SFMBT2: variants seen among roughly 807,000 people sequenced by gnomAD.
The protein encoded by SFMBT2 is Scm like with four mbt domains 2, also known as scm-like with four MBT domains protein 2.
In SFMBT2, 38 loss-of-function variants were observed where a neutral mutation model predicts 110.1. The ratio of observed to expected loss-of-function variants is 0.35; its 90% CI spans 0.27 to 0.45. The LOEUF (loss-of-function observed/expected upper bound fraction) is 0.45. Among genes scored for constraint, SFMBT2 ranks in the 20% least tolerant of loss-of-function variants. The pLI, the probability that SFMBT2 is intolerant of heterozygous loss-of-function variation, is 1.00. For synonymous variants in SFMBT2, 425 were observed against 425.4 expected (o/e 1.00, Z 0.01); for missense variants, 1,011 against 1,094.9 (o/e 0.92, Z 1.08).
At chr10:7,360,821 G>A (rs1014282325) in intron 4 of SFMBT2, among the ~76,000 whole-genome samples, 1 of 152,162 alleles carries the variant, frequency 6.6e-6, no homozygotes, top group Non-Finnish European at 1.5e-5. Flanking sequence ...TCAAAACCAT[G>A]GGAATTGTTG....
At chr10:7,255,118 C>G (rs112707939) in intron 7 of SFMBT2, among the ~76,000 whole-genome samples, 1 of 152,180 alleles carries the variant, frequency 6.6e-6, no homozygotes, top group South Asian at 2.1e-4. Flanking sequence ...AGACCACTTA[C>G]TTTGGGCTGT....
chr10:7,350,901 T>C (rs1844292706), intron 4 of SFMBT2, among the ~76,000 whole-genome samples: 1 of 152,230 alleles, frequency 6.6e-6, no homozygotes, highest in Admixed American at 6.5e-5. Context: ...TGGCTGGCAA[T>C]TCCCTTGGTA....
At chr10:7,292,633 C>A (rs1369110283) in intron 4 of SFMBT2, among the ~76,000 whole-genome samples, 3 of 152,124 alleles carry the variant, frequency 2.0e-5, no homozygotes, top group Non-Finnish European at 4.4e-5. Flanking sequence ...TGTTGGAGGA[C>A]AAGTTTCATT....
intron 16 of SFMBT2, among the ~76,000 whole-genome samples, chr10:7,180,908 C>A (rs531884889): frequency 6.6e-6 from 1 of 152,202 alleles, no homozygotes; most frequent in African/African-American, 2.4e-5. Flanking sequence ...TAGGATGAAC[C>A]CTGGCATGCT....
intron 2 of SFMBT2, among the ~76,000 whole-genome samples, chr10:7,377,987 AG>A (rs1189169922): frequency 4.0e-5 from 1 of 25,170 alleles, no homozygotes; most frequent in African/African-American, 1.6e-4. Flanking sequence ...TGTGGGGGGG[AG>A]GTGGGTGTGA....
chr10:7,254,183 G>A (rs1374961606), intron 7 of SFMBT2, among the ~76,000 whole-genome samples: 1 of 152,038 alleles, frequency 6.6e-6, no homozygotes, highest in Non-Finnish European at 1.5e-5. Flanking sequence ...AATATTTATC[G>A]AATTAAACTG....
intron 1 of SFMBT2, among the ~76,000 whole-genome samples, chr10:7,393,068 C>T (rs113634033): frequency 0.028 from 3,641 of 130,874 alleles, 94 homozygotes; most frequent in Non-Finnish European, 0.039. Context: ...AGTCTTGCTC[C>T]GTCGCCCAGG....
intron 1 of SFMBT2, among the ~76,000 whole-genome samples, chr10:7,407,924 A>G (rs1846261671): frequency 6.6e-6 from 1 of 152,136 alleles, no homozygotes. Flanking sequence ...CCGAGCCCCT[A>G]GGTGCCAGAG....
chr10:7,213,175 A>G (rs1306536423), intron 11 of SFMBT2, among the ~76,000 whole-genome samples: 1 of 152,182 alleles, frequency 6.6e-6, no homozygotes, highest in Non-Finnish European at 1.5e-5. Context: ...GCAGCAAACC[A>G]CCATGGCACA....
intron 7 of SFMBT2, among the ~76,000 whole-genome samples, chr10:7,271,096 C>T (rs1311827839): frequency 6.6e-6 from 1 of 151,822 alleles, no homozygotes; most frequent in Non-Finnish European, 1.5e-5. Context: ...ACCAGCCTGG[C>T]GAACATGGTG....
intron 20 of SFMBT2, among the ~76,000 whole-genome samples, chr10:7,165,114 A>C (rs1169181561): frequency 6.6e-6 from 1 of 152,180 alleles, no homozygotes; most frequent in Non-Finnish European, 1.5e-5. Context: ...TCAATCGTCC[A>C]GAGGGAGTCA....
chr10:7,389,636 T>C (rs762136516), intron 1 of SFMBT2, among the ~76,000 whole-genome samples: 14 of 152,180 alleles, frequency 9.2e-5, no homozygotes, highest in Admixed American at 2.0e-4. Context: ...CTTGGACCAG[T>C]GAAAAGAACA....
chr10:7,249,094 A>G (rs1366635358), intron 7 of SFMBT2: 16 of 980,516 alleles, frequency 1.6e-5, no homozygotes, highest in Non-Finnish European at 1.9e-5. Flanking sequence ...CTAAGAGCAC[A>G]CAGCTTACCA....
At chr10:7,342,885 C>G (rs903947698) in intron 4 of SFMBT2, among the ~76,000 whole-genome samples, 1 of 152,114 alleles carries the variant, frequency 6.6e-6, no homozygotes, top group Non-Finnish European at 1.5e-5. Flanking sequence ...ATTTCCACAT[C>G]TTTTGAAGAA....
chr10:7,327,740 C>T (rs1217686559), intron 4 of SFMBT2, among the ~76,000 whole-genome samples: 3 of 151,364 alleles, frequency 2.0e-5, no homozygotes, highest in Admixed American at 1.3e-4. Flanking sequence ...ACCTTTGAGA[C>T]TAGTATTTTG....
intron 4 of SFMBT2, among the ~76,000 whole-genome samples, chr10:7,328,045 G>A (rs929448539): frequency 1.3e-5 from 2 of 152,220 alleles, no homozygotes; most frequent in African/African-American, 4.8e-5. Context: ...CTGCCAAACT[G>A]TTTTCCCAAT....
At chr10:7,210,038 TC>T (rs966609382) in intron 11 of SFMBT2, among the ~76,000 whole-genome samples, 1 of 152,238 alleles carries the variant, frequency 6.6e-6, no homozygotes, top group African/African-American at 2.4e-5. Flanking sequence ...ACAAAGACTT[TC>T]CGTACTCACA....
chr10:7,282,559 C>A (rs562471167), intron 6 of SFMBT2, among the ~76,000 whole-genome samples: 4 of 152,162 alleles, frequency 2.6e-5, no homozygotes, highest in Non-Finnish European at 5.9e-5. Context: ...TCATCAGAGT[C>A]AAAAATTACT....
At chr10:7,384,543 T>C (rs1447356781) in intron 1 of SFMBT2, among the ~76,000 whole-genome samples, 1 of 152,224 alleles carries the variant, frequency 6.6e-6, no homozygotes, top group African/African-American at 2.4e-5. Context: ...AAAATGAAGT[T>C]ATCTTATATC....
Sources: gnomAD v4.1 joint callset for allele counts (sites outside exome capture counted in the v4.1 genomes callset) on GRCh38, gnomAD v4.1.1 for gene constraint, MANE v1.5 for transcripts, NCBI Gene and HGNC (gene_info 2026-07-23, HGNC 2026-07-21) for gene names.